Variants in ANKS1B observed in about 807,000 individuals in gnomAD.
The protein encoded by ANKS1B is ankyrin repeat and sterile alpha motif domain-containing protein 1B.
Under a neutral mutation model 148.3 loss-of-function variants are expected in ANKS1B, and 36 were observed. That is an observed-to-expected ratio of 0.24 (90% confidence interval 0.19 to 0.32). The LOEUF is 0.32. Among genes scored for constraint, ANKS1B ranks in the 10% least tolerant of loss-of-function variants. The pLI, the probability that ANKS1B is intolerant of heterozygous loss-of-function variation, is 1.00. For synonymous variants in ANKS1B, 542 were observed against 560.8 expected (o/e 0.97, Z 0.47); for missense variants, 1,157 against 1,542.6 (o/e 0.75, Z 4.19).
intron 17 of ANKS1B, among the ~76,000 whole-genome samples, chr12:98,914,052 A>G (rs1463186014): frequency 6.6e-6 from 1 of 152,088 alleles, no homozygotes; most frequent in Non-Finnish European, 1.5e-5. Context: ...TCCTCTTCAA[A>G]TATCACGCTG....
intron 25 of ANKS1B, among the ~76,000 whole-genome samples, chr12:98,758,034 G>C (rs968261880): frequency 2.6e-5 from 4 of 152,060 alleles, no homozygotes; most frequent in Non-Finnish European, 5.9e-5. Context: ...TCTTAAAATG[G>C]GGATAATACC....
chr12:99,524,002 T>C (rs954806293), intron 9 of ANKS1B, among the ~76,000 whole-genome samples: 2 of 152,244 alleles, frequency 1.3e-5, no homozygotes, highest in African/African-American at 4.8e-5. Context: ...GAATTTTTTC[T>C]GATAATGGGG....
intron 16 of ANKS1B, among the ~76,000 whole-genome samples, chr12:99,066,734 G>C (rs2044479891): frequency 6.6e-6 from 1 of 152,232 alleles, no homozygotes. Context: ...AGTAAAGGCA[G>C]CAAGAAGTAG....
intron 1 of ANKS1B, among the ~76,000 whole-genome samples, chr12:99,843,764 A>T (rs1327911613): frequency 6.6e-6 from 1 of 152,108 alleles, no homozygotes; most frequent in East Asian, 1.9e-4. Context: ...TCCTTTAGGT[A>T]TATACCCAGT....
At chr12:99,383,464 T>G (rs762134936) in intron 12 of ANKS1B, among the ~76,000 whole-genome samples, 1 of 152,248 alleles carries the variant, frequency 6.6e-6, no homozygotes, top group Admixed American at 6.5e-5. Flanking sequence ...TCTTTGATCT[T>G]GCTCTTACAG....
chr12:99,054,065 T>C (rs558599945), intron 16 of ANKS1B, among the ~76,000 whole-genome samples: 2 of 152,350 alleles, frequency 1.3e-5, no homozygotes, highest in East Asian at 3.9e-4. Flanking sequence ...AAATTTTGTA[T>C]GGATTATTCT....
intron 17 of ANKS1B, among the ~76,000 whole-genome samples, chr12:99,004,895 T>C (rs917716248): frequency 3.9e-5 from 6 of 151,916 alleles, no homozygotes; most frequent in Non-Finnish European, 7.4e-5. Context: ...GGGCAGAAGG[T>C]TTTTCTCCAG....
intron 9 of ANKS1B, among the ~76,000 whole-genome samples, chr12:99,569,580 G>A (rs964183955): frequency 1.3e-5 from 2 of 152,198 alleles, no homozygotes; most frequent in Admixed American, 1.3e-4. Flanking sequence ...CTGTTGTGCT[G>A]CCCAGATTCT....
intron 1 of ANKS1B, among the ~76,000 whole-genome samples, chr12:99,924,728 G>A (rs1246794734): frequency 6.6e-6 from 1 of 152,092 alleles, no homozygotes; most frequent in African/African-American, 2.4e-5. Flanking sequence ...CACCATTTAA[G>A]AATCAGAGAG....
chr12:98,959,906 G>C lies in ANKS1B; in HGVS notation c.2778+93251C>G, dbSNP rs575241915. Among the ~76,000 whole-genome samples the C allele has an allele frequency of 1.5e-4, 23 of 152,312 alleles. No homozygotes were observed. In the South Asian group the frequency reaches 4.8e-3, roughly 32 times the overall value. ...GGAGAGACTCCTCTGTTTGTGGAAA[G>C]GGGAGGGAAGAGTAGAAGAACTTTG... is the stretch of plus-strand genomic sequence containing the variant. On this transcript the variant is annotated intron_variant, in intron 17 of 26. Transcript: ENST00000683438.
chr12:99,734,291 C>T (rs1471981096), intron 8 of ANKS1B, among the ~76,000 whole-genome samples: 5 of 151,986 alleles, frequency 3.3e-5, no homozygotes, highest in Admixed American at 3.3e-4. Flanking sequence ...TACTAGAAAA[C>T]CTACATACTC....
chr12:98,860,217 TACAC>T (rs1261879057), intron 17 of ANKS1B, among the ~76,000 whole-genome samples: 3 of 152,220 alleles, frequency 2.0e-5, no homozygotes, highest in Non-Finnish European at 4.4e-5. Flanking sequence ...GCCAAACACA[TACAC>T]TGAAATATAT....
At chr12:99,614,892 G>GAAAA (rs36019881) in intron 9 of ANKS1B, among the ~76,000 whole-genome samples, 3 of 148,836 alleles carry the variant, frequency 2.0e-5, no homozygotes, top group Non-Finnish European at 1.5e-5. Context: ...TCTTCCTCAG[G>GAAAA]AAAAAAAAAA....
rs1413739354 is a variant in ANKS1B at position 98,744,308 on chromosome 12, C to A, written c.*1431G>T. ...TAGTTTGAAATAAAATGTAGTTATT[C>A]TTCAAAACTCACCAACTGATGAATG... is the stretch of plus-strand genomic sequence containing the variant. On this transcript the variant is annotated 3_prime_UTR_variant, in exon 27 of 27. Transcript: ENST00000683438. The A allele has an allele frequency of 1.1e-6, 1 of 931,484 alleles. No homozygotes were observed. Among genetic ancestry groups the A allele is most frequent in the Non-Finnish European group, 1.3e-6 (1 of 780,726 alleles). The allele number at this position is 931,484 out of a possible 1,614,324, so 57.7% of individuals were successfully genotyped here.
At chr12:99,460,473 C>A (rs1381373781) in intron 10 of ANKS1B, among the ~76,000 whole-genome samples, 1 of 152,028 alleles carries the variant, frequency 6.6e-6, no homozygotes, top group Non-Finnish European at 1.5e-5. Context: ...GCAGAGTAAA[C>A]AGACAACCCA....
intron 1 of ANKS1B, among the ~76,000 whole-genome samples, chr12:99,975,252 A>C (rs1401763713): frequency 6.6e-6 from 1 of 152,172 alleles, no homozygotes; most frequent in African/African-American, 2.4e-5. Flanking sequence ...TGGCTTTACT[A>C]TTTTGGCCTA....
rs116415064 is a variant in ANKS1B, at chr12:99,558,041, G to A, written c.1273-53400C>T. On this transcript the variant is annotated intron_variant, in intron 9 of 26. Transcript: ENST00000683438. ...AAGAACCTGCTGTGGTGGAGGGGCC[G>A]AGGTATTCTTAGACTGCTAGCCACA... 8.7e-3 allele frequency among the ~76,000 whole-genome samples: 1,327 copies of A among 152,244 alleles called. 26 individuals carry two copies. Among genetic ancestry groups the A allele is most frequent in the African/African-American group, 0.03 (1,256 of 41,540 alleles).
rs192329011 is a variant in ANKS1B at position 98,857,289 on chromosome 12, T to C, written c.2779-25153A>G. The stretch of plus-strand genomic sequence containing the variant: ...TAAAAGCATTCTAGGCCAATGCACC[T>C]GCATGAGAGGAGTGGGATACGGTGT... On this transcript the variant is annotated intron_variant, in intron 17 of 26. Transcript: ENST00000683438. 4.6e-5 allele frequency among the ~76,000 whole-genome samples: 7 copies of C among 152,326 alleles called. No individual in the cohort carries two copies. The East Asian group carries it at 1.3e-3, about 29-fold the overall frequency.
chr12:99,922,122 A>G (rs2094371780), intron 1 of ANKS1B, among the ~76,000 whole-genome samples: 1 of 152,184 alleles, frequency 6.6e-6, no homozygotes, highest in Non-Finnish European at 1.5e-5. Flanking sequence ...GAGTTGTTAT[A>G]ATTAAATACA....
Sources: gnomAD v4.1 joint callset for allele counts (sites outside exome capture counted in the v4.1 genomes callset) on GRCh38, gnomAD v4.1.1 for gene constraint, MANE v1.5 for transcripts, NCBI Gene and HGNC (gene_info 2026-07-23, HGNC 2026-07-21) for gene names.